JAZF1: variants seen among roughly 807,000 people sequenced by gnomAD.
The protein encoded by JAZF1 is juxtaposed with another zinc finger protein 1.
In JAZF1, 8 loss-of-function variants were observed where a neutral mutation model predicts 26.4. The ratio of observed to expected loss-of-function variants is 0.30; its 90% CI spans 0.18 to 0.55. The LOEUF (loss-of-function observed/expected upper bound fraction) is 0.55. JAZF1 is among the 20% of genes least tolerant of loss of function. The pLI, the probability that JAZF1 is intolerant of heterozygous loss-of-function variation, is 0.94. For missense variants in JAZF1, 199 were observed against 322.0 expected, an observed-to-expected ratio of 0.62 and a Z score of 2.92; for synonymous variants, 126 against 122.3, an observed-to-expected ratio of 1.03 and a Z score of -0.20.
At chr7:28,106,224 T>G (rs1784551407) in intron 1 of JAZF1, among the ~76,000 whole-genome samples, 1 of 152,240 alleles carries the variant, frequency 6.6e-6, no homozygotes, top group Non-Finnish European at 1.5e-5. Context: ...GTGGCATTTT[T>G]CCTTCCGAAG....
intron 1 of JAZF1, among the ~76,000 whole-genome samples, chr7:28,073,914 G>C (rs1248034292): frequency 6.7e-6 from 1 of 149,816 alleles, no homozygotes; most frequent in African/African-American, 2.5e-5. Flanking sequence ...TAAGAAAAAA[G>C]AACCTAAATG....
At chr7:27,849,550 G>A (rs1783099020) in intron 3 of JAZF1, among the ~76,000 whole-genome samples, 1 of 152,128 alleles carries the variant, frequency 6.6e-6, no homozygotes, top group South Asian at 2.1e-4. Context: ...GTGGGAACCT[G>A]GGGCAGGCAG....
chr7:27,867,460 C>A (rs1423863043), intron 3 of JAZF1, among the ~76,000 whole-genome samples: 1 of 152,210 alleles, frequency 6.6e-6, no homozygotes, highest in Non-Finnish European at 1.5e-5. Flanking sequence ...AAACTACAGC[C>A]TGTGCCGCAT....
chr7:28,156,353 C>T (rs187658373), intron 1 of JAZF1, among the ~76,000 whole-genome samples: 4 of 152,242 alleles, frequency 2.6e-5, no homozygotes, highest in African/African-American at 4.8e-5. Flanking sequence ...GGAGTCACTT[C>T]GTGGCTTTGG....
chr7:27,833,949 T>C (rs1372762822), intron 4 of JAZF1, among the ~76,000 whole-genome samples: 1 of 152,178 alleles, frequency 6.6e-6, no homozygotes, highest in African/African-American at 2.4e-5. Context: ...TAGGTCTTAA[T>C]TTCCAAGTCA....
chr7:27,996,001 T>C (rs1203359244), intron 1 of JAZF1, among the ~76,000 whole-genome samples: 2 of 152,188 alleles, frequency 1.3e-5, no homozygotes, highest in South Asian at 2.1e-4. Context: ...ATTGTCTCTG[T>C]GAAGCCCACG....
chr7:27,851,898 C>G (rs1187671261), intron 3 of JAZF1, among the ~76,000 whole-genome samples: 2 of 149,204 alleles, frequency 1.3e-5, no homozygotes, highest in African/African-American at 4.9e-5. Context: ...GGTGTGTGTT[C>G]TGAGTTATGG....
intron 2 of JAZF1, among the ~76,000 whole-genome samples, chr7:27,907,856 C>G (rs184525830): frequency 6.6e-6 from 1 of 152,298 alleles, no homozygotes; most frequent in African/African-American, 2.4e-5. Context: ...AGCACTCTTG[C>G]CTGTGCTGCT....
At chr7:27,941,210 A>G (rs1449742379) in intron 2 of JAZF1, among the ~76,000 whole-genome samples, 1 of 152,250 alleles carries the variant, frequency 6.6e-6, no homozygotes, top group Non-Finnish European at 1.5e-5. Flanking sequence ...TTGGCAATCA[A>G]TTAGGAATAA....
At chr7:28,022,837 A>C (rs1347268021) in intron 1 of JAZF1, among the ~76,000 whole-genome samples, 3 of 152,044 alleles carry the variant, frequency 2.0e-5, no homozygotes, top group African/African-American at 7.3e-5. Flanking sequence ...GCTCACTGCA[A>C]CCTCCGCTGC....
chr7:27,865,014 T>G (rs536238205), intron 3 of JAZF1, among the ~76,000 whole-genome samples: 3 of 152,202 alleles, frequency 2.0e-5, no homozygotes, highest in Admixed American at 1.3e-4. Flanking sequence ...GAGATCAATT[T>G]AATGGGGCAT....
intron 1 of JAZF1, among the ~76,000 whole-genome samples, chr7:28,043,753 G>A (rs544369190): frequency 6.6e-6 from 1 of 152,162 alleles, no homozygotes; most frequent in East Asian, 1.9e-4. Context: ...ACTGATGAAT[G>A]GGTAAACAAA....
intron 1 of JAZF1, among the ~76,000 whole-genome samples, chr7:28,050,688 C>T (rs868006813): frequency 4.6e-5 from 7 of 152,154 alleles, no homozygotes; most frequent in African/African-American, 7.2e-5. Flanking sequence ...TCACTAAGTA[C>T]TTCAAAAGAA....
chr7:28,146,774 TGA>T (rs969361965), intron 1 of JAZF1, among the ~76,000 whole-genome samples: 1 of 152,158 alleles, frequency 6.6e-6, no homozygotes, highest in Non-Finnish European at 1.5e-5. Flanking sequence ...TACTATAGGT[TGA>T]GTTTCCTTTG....
chr7:28,146,854 GTTTT>G (rs943736994), intron 1 of JAZF1, among the ~76,000 whole-genome samples: 1 of 149,918 alleles, frequency 6.7e-6, no homozygotes, highest in Non-Finnish European at 1.5e-5. Context: ...CGTTTTGGTG[GTTTT>G]TTTTTGTTTT....
intron 2 of JAZF1, among the ~76,000 whole-genome samples, chr7:27,934,569 T>C (rs1375063494): frequency 1.3e-5 from 2 of 152,190 alleles, no homozygotes; most frequent in African/African-American, 4.8e-5. Flanking sequence ...TGGTACACCT[T>C]GGCGGTAGCC....
At chr7:27,968,347 T>G (rs1785314592) in intron 2 of JAZF1, among the ~76,000 whole-genome samples, 1 of 152,200 alleles carries the variant, frequency 6.6e-6, no homozygotes, top group African/African-American at 2.4e-5. Flanking sequence ...GGTGAAGTAC[T>G]TGTCTTGAAG....
chr7:27,872,548 G>T (rs575510640), intron 3 of JAZF1, among the ~76,000 whole-genome samples: 1 of 152,220 alleles, frequency 6.6e-6, no homozygotes, highest in South Asian at 2.1e-4. Flanking sequence ...TTCAGCCAGG[G>T]GATGTTAACT....
At chr7:27,992,294 G>A (rs1785923174) in intron 1 of JAZF1, 2 of 471,494 alleles carry the variant, frequency 4.2e-6, no homozygotes, top group African/African-American at 2.0e-5. Context: ...ATGGTTTTTG[G>A]TGGTTCATCG....
Sources: gnomAD v4.1 joint callset for allele counts (sites outside exome capture counted in the v4.1 genomes callset) on GRCh38, gnomAD v4.1.1 for gene constraint, MANE v1.5 for transcripts, NCBI Gene and HGNC (gene_info 2026-07-23, HGNC 2026-07-21) for gene names.